Variants in SCOC observed in about 807,000 individuals in gnomAD.
SCOC encodes the protein short coiled-coil protein, also known as short coiled coil protein.
A neutral mutation model predicts 9.9 loss-of-function variants in SCOC; 7 were observed. The ratio of observed to expected loss-of-function variants is 0.71; its 90% CI spans 0.40 to 1.33. SCOC has a LOEUF of 1.33. Among genes scored for constraint, SCOC ranks in the 40% most tolerant of loss-of-function variants. The probability of loss-of-function intolerance (pLI) is 0.01; values close to 1 mark genes in which losing one functional copy is unlikely to be tolerated. For missense variants in SCOC, 66 were observed against 89.7 expected (o/e 0.74, Z 1.07); for synonymous variants, 19 against 28.2 (o/e 0.67, Z 1.03).
chr4:140,374,735 G>GT (rs1358317994), intron 1 of SCOC, among the ~76,000 whole-genome samples: 2 of 152,210 alleles, frequency 1.3e-5, no homozygotes, highest in East Asian at 3.9e-4. Flanking sequence ...CCATATTAAA[G>GT]TTTTTTCCAT....
At chr4:140,380,445 G>A (rs915815709) in intron 3 of SCOC, among the ~76,000 whole-genome samples, 9 of 151,652 alleles carry the variant, frequency 5.9e-5, no homozygotes, top group Admixed American at 6.6e-5. Flanking sequence ...TGATCCACCC[G>A]CCTCGGCCTC....
rs143782024 is a variant in SCOC at position 140,307,457 on chromosome 4, G to C, written c.-18-36164G>C. ...CTTGACCCAAGAATACAAGAGCTAG[G>C]GGCTCAGTTAAAGTTCAGGAGGTGC... On this transcript the variant is annotated intron_variant, in intron 1 of 4. Coordinates refer to the SCOC transcript ENST00000394205. 1.5e-4 allele frequency among the ~76,000 whole-genome samples: 23 copies of C among 152,218 alleles called. No homozygotes were observed. In the East Asian group the frequency reaches 3.1e-3, roughly 20 times the overall value.
intron 1 of SCOC, among the ~76,000 whole-genome samples, chr4:140,285,802 G>C (rs1231373398): frequency 6.6e-6 from 1 of 152,180 alleles, no homozygotes; most frequent in African/African-American, 2.4e-5. Flanking sequence ...GTTGGAAACA[G>C]ACCTGGTTTC....
intron 1 of SCOC, among the ~76,000 whole-genome samples, chr4:140,319,617 G>A (rs1388956521): frequency 6.6e-6 from 1 of 151,976 alleles, no homozygotes; most frequent in African/African-American, 2.4e-5. Flanking sequence ...AGATGGTTTG[G>A]GGCTGTTGCA....
intron 1 of SCOC, among the ~76,000 whole-genome samples, chr4:140,297,486 A>AT (rs1021664304): frequency 6.6e-6 from 1 of 152,022 alleles, no homozygotes; most frequent in Non-Finnish European, 1.5e-5. Context: ...ACCACTCTTC[A>AT]TTTTTTGCAT....
chr4:140,380,898 A>C (rs774922228), intron 3 of SCOC, 64 bp from the exon 4 acceptor site: 29 of 1,258,188 alleles, frequency 2.3e-5, no homozygotes, highest in Non-Finnish European at 2.9e-5. Flanking sequence ...AATCCTAAGA[A>C]TTTTGTAATA....
chr4:140,272,222 A>ATTTT (rs10685796), intron 1 of SCOC, among the ~76,000 whole-genome samples: 104 of 142,336 alleles, frequency 7.3e-4, no homozygotes, highest in African/African-American at 2.4e-3. Flanking sequence ...CCTACCTTTA[A>ATTTT]TTTTTTTTTT....
intron 1 of SCOC, among the ~76,000 whole-genome samples, chr4:140,290,106 AT>A (rs898917561): frequency 3.9e-5 from 6 of 152,246 alleles, no homozygotes; most frequent in Non-Finnish European, 5.9e-5. Context: ...GTCACCTAGC[AT>A]TTTTTTGCAT....
At chr4:140,293,054 C>G (rs190758905) in intron 1 of SCOC, among the ~76,000 whole-genome samples, 1 of 152,228 alleles carries the variant, frequency 6.6e-6, no homozygotes, top group Admixed American at 6.5e-5. Flanking sequence ...TGGTTTCTCA[C>G]GATTCCCCTG....
At chr4:140,339,030 T>C (rs1490911942), upstream of SCOC, among the ~76,000 whole-genome samples, 3 of 152,122 alleles carry the variant, frequency 2.0e-5, no homozygotes, top group Admixed American at 6.6e-5. Flanking sequence ...GGAGGCATCA[T>C]GCTACCTGAC....
At chr4:140,337,081 A>T (rs879801291) in intron 1 of SCOC, among the ~76,000 whole-genome samples, 8 of 152,150 alleles carry the variant, frequency 5.3e-5, no homozygotes, top group Non-Finnish European at 8.8e-5. Context: ...ATTTTTAAAA[A>T]TTGTGTTGTC....
Position 140,259,523 on chromosome 4 carries a change from C to T in SCOC, c.-19+2113C>T, listed in dbSNP as rs113109107. ...CTGTAATCTCAGTGCTTTGGGAGTG[C>T]AGTCAAGGCAGAAGTTCGAGACCAT... is the stretch of plus-strand genomic sequence containing the variant. On this transcript the variant is annotated intron_variant, in intron 1 of 4. Coordinates refer to the SCOC transcript ENST00000394205. Among the ~76,000 whole-genome samples, 834 of 152,142 alleles carry T rather than the reference C, an allele frequency of 5.5e-3. 6 individuals are homozygous for T. Among genetic ancestry groups the T allele is most frequent in the African/African-American group, 0.019 (773 of 41,498 alleles).
At chr4:140,287,751 A>T (rs1019959131) in intron 1 of SCOC, among the ~76,000 whole-genome samples, 2 of 152,148 alleles carry the variant, frequency 1.3e-5, no homozygotes, top group Non-Finnish European at 2.9e-5. Flanking sequence ...TACACCACAA[A>T]CCACACTCAT....
At chr4:140,287,190 C>A (rs972498670) in intron 1 of SCOC, among the ~76,000 whole-genome samples, 1 of 148,776 alleles carries the variant, frequency 6.7e-6, no homozygotes, top group Non-Finnish European at 1.5e-5. Context: ...ACACATGCTA[C>A]ACACACACAT....
intron 1 of SCOC, among the ~76,000 whole-genome samples, chr4:140,330,385 AC>A (rs1732782229): frequency 1.3e-5 from 2 of 152,184 alleles, no homozygotes; most frequent in Non-Finnish European, 2.9e-5. Context: ...TTTTCATGTA[AC>A]CAAACACCAC....
intron 1 of SCOC, among the ~76,000 whole-genome samples, chr4:140,297,912 C>T (rs983477026): frequency 2.0e-5 from 3 of 152,196 alleles, no homozygotes; most frequent in Admixed American, 6.5e-5. Context: ...AATTTCATTC[C>T]ACATATTCAG....
At chr4:140,325,800 C>G (rs148020313) in intron 1 of SCOC, among the ~76,000 whole-genome samples, 1 of 152,186 alleles carries the variant, frequency 6.6e-6, no homozygotes. Flanking sequence ...CATATACTTA[C>G]CACATGATCC....
chr4:140,372,448 T>C (rs551722984), upstream of SCOC, among the ~76,000 whole-genome samples: 8 of 152,332 alleles, frequency 5.3e-5, no homozygotes, highest in East Asian at 1.4e-3. Flanking sequence ...TCCACAATCT[T>C]GGAAAATTCT....
chr4:140,327,130 A>G (rs1732671589), intron 1 of SCOC, among the ~76,000 whole-genome samples: 1 of 152,220 alleles, frequency 6.6e-6, no homozygotes. Flanking sequence ...AACCTGTGAT[A>G]AACAAAATTT....
Sources: gnomAD v4.1 joint callset for allele counts (sites outside exome capture counted in the v4.1 genomes callset) on GRCh38, gnomAD v4.1.1 for gene constraint, MANE v1.5 for transcripts, NCBI Gene and HGNC (gene_info 2026-07-23, HGNC 2026-07-21) for gene names.